RANBP2: variants seen among roughly 807,000 people sequenced by gnomAD.
RANBP2 encodes E3 SUMO-protein ligase RanBP2.
A neutral mutation model predicts 303.6 loss-of-function variants in RANBP2; 57 were observed. The observed-to-expected ratio is 0.19, with a 90% CI of 0.15 to 0.23. RANBP2 has a LOEUF of 0.23. RANBP2 is among the 10% of genes least tolerant of loss of function. RANBP2 has a pLI of 1.00. For missense variants in RANBP2, 3,138 were observed against 3,780.8 expected, an observed-to-expected ratio of 0.83 and a Z score of 4.46; for synonymous variants, 1,167 against 1,301.5, an observed-to-expected ratio of 0.90 and a Z score of 2.23.
the RANBP2 span, among the ~76,000 whole-genome samples, chr2:109,560,142 G>T: frequency 6.6e-6 from 1 of 152,092 alleles, no homozygotes; most frequent in South Asian, 2.1e-4. Flanking sequence ...GGATAGTCTT[G>T]ATCTCCTGAC....
the RANBP2 span, among the ~76,000 whole-genome samples, chr2:108,887,322 A>G: frequency 0.92 from 139,798 of 152,284 alleles, 64,238 homozygotes; most frequent in East Asian, 1. Context: ...TGTGATGCCT[A>G]CAGCTTTTGT....
chr2:109,772,486 CAA>C, the RANBP2 span, among the ~76,000 whole-genome samples: 1 of 85,096 alleles, frequency 1.2e-5, no homozygotes, highest in Non-Finnish European at 2.3e-5. Flanking sequence ...TAAGGAAAGG[CAA>C]AGAGGTGAAA....
chr2:109,719,416 T>C, the RANBP2 span, among the ~76,000 whole-genome samples: 1 of 148,788 alleles, frequency 6.7e-6, no homozygotes, highest in African/African-American at 2.5e-5. Flanking sequence ...TATCTTTTTT[T>C]TTTTTTTTTG....
chr2:108,962,564 A>C, the RANBP2 span, among the ~76,000 whole-genome samples: 1 of 150,968 alleles, frequency 6.6e-6, no homozygotes, highest in South Asian at 2.1e-4. Flanking sequence ...AGTCCCAGCT[A>C]CTCGGGAGGC....
chr2:109,559,103 C>A, the RANBP2 span, among the ~76,000 whole-genome samples: 1 of 152,144 alleles, frequency 6.6e-6, no homozygotes, highest in Non-Finnish European at 1.5e-5. Flanking sequence ...CCAGGCTGGT[C>A]TTGAACTCCT....
At chr2:109,234,500 G>A in the RANBP2 span, among the ~76,000 whole-genome samples, 6 of 152,230 alleles carry the variant, frequency 3.9e-5, no homozygotes, top group African/African-American at 1.2e-4. Flanking sequence ...TCTTCTCAGC[G>A]AGTAGCTTGT....
the RANBP2 span, among the ~76,000 whole-genome samples, chr2:109,553,918 T>C: frequency 6.6e-6 from 1 of 151,752 alleles, no homozygotes; most frequent in Non-Finnish European, 1.5e-5. Flanking sequence ...ATGCCATCAA[T>C]AGGTTCTTGA....
chr2:108,816,755 G>A, the RANBP2 span, among the ~76,000 whole-genome samples: 1 of 152,114 alleles, frequency 6.6e-6, no homozygotes, highest in Non-Finnish European at 1.5e-5. Flanking sequence ...GAGTGCAGTG[G>A]CCCAGTCATT....
chr2:108,781,462 A>C (rs780696486), intron 26 of RANBP2, 33 bp downstream of exon 26: 8 of 1,606,364 alleles, frequency 5.0e-6, no homozygotes, highest in Non-Finnish European at 6.0e-6. Context: ...TTTACTAATA[A>C]CTTATTTTTC....
chr2:108,901,954 T>G, the RANBP2 span, among the ~76,000 whole-genome samples: 2 of 151,320 alleles, frequency 1.3e-5, no homozygotes, highest in African/African-American at 4.9e-5. Flanking sequence ...AATACAAAAA[T>G]TAGGGCTGGG....
the RANBP2 span, among the ~76,000 whole-genome samples, chr2:109,022,768 T>C: frequency 6.6e-6 from 1 of 152,150 alleles, no homozygotes; most frequent in Admixed American, 6.5e-5. Context: ...AAAGAATTAT[T>C]GGCTGGGCGT....
chr2:109,506,663 A>G, the RANBP2 span, among the ~76,000 whole-genome samples: 1 of 152,234 alleles, frequency 6.6e-6, no homozygotes, highest in Non-Finnish European at 1.5e-5. Context: ...TCCATTTTAC[A>G]GGTAAAGAAG....
chr2:109,059,069 C>T, the RANBP2 span, among the ~76,000 whole-genome samples: 1 of 151,998 alleles, frequency 6.6e-6, no homozygotes, highest in African/African-American at 2.4e-5. Flanking sequence ...GGCTGACCTG[C>T]CACCTCCGGG....
intron 18 of RANBP2, among the ~76,000 whole-genome samples, chr2:108,761,276 A>C (rs1676712957): frequency 6.6e-6 from 1 of 150,678 alleles, no homozygotes; most frequent in African/African-American, 2.4e-5. Flanking sequence ...AAGGTTTCCA[A>C]AATCAAACTT....
the RANBP2 span, chr2:109,432,688 G>A: frequency 6.2e-7 from 1 of 1,603,618 alleles, no homozygotes; most frequent in Non-Finnish European, 8.5e-7. Context: ...GCATGGTGGT[G>A]GCAGCCTGGG....
chr2:109,389,757 A>G, the RANBP2 span, among the ~76,000 whole-genome samples: 1 of 152,218 alleles, frequency 6.6e-6, no homozygotes, highest in African/African-American at 2.4e-5. Flanking sequence ...AAAGATACAC[A>G]TTACATATGT....
chr2:109,303,401 C>A, the RANBP2 span, among the ~76,000 whole-genome samples: 3 of 152,220 alleles, frequency 2.0e-5, no homozygotes, highest in South Asian at 2.1e-4. Context: ...TTTTCTCCTT[C>A]GCTCACACTA....
chr2:109,502,908 C>T, the RANBP2 span: 1 of 152,198 alleles, frequency 6.6e-6, no homozygotes. Context: ...AATAACTGCT[C>T]CCATTTCAGG....
chr2:109,115,719 C>A, the RANBP2 span, among the ~76,000 whole-genome samples: 2,233 of 152,322 alleles, frequency 0.015, 22 homozygotes, highest in Non-Finnish European at 0.023. Context: ...CAGTTTCTTC[C>A]TAGCCTTGAT....
Sources: allele counts gnomAD v4.1 joint callset (sites outside exome capture counted in the v4.1 genomes callset), GRCh38; gene constraint gnomAD v4.1.1; transcripts MANE v1.5; gene names NCBI Gene and HGNC (gene_info 2026-07-23, HGNC 2026-07-21).